The following NPM3 variants were observed in gnomAD, a reference collection of about 807,000 sequenced individuals.
The protein encoded by NPM3 is nucleophosmin/nucleoplasmin 3, also known as nucleoplasmin-3.
NPM3 carries 12 observed loss-of-function variants against 18.1 expected under a neutral mutation model. The observed-to-expected ratio is 0.66, with a 90% CI of 0.42 to 1.07. The LOEUF is 1.07. NPM3 is among the 50% of genes least tolerant of loss of function. The probability of loss-of-function intolerance (pLI) is 0.00; values close to 1 mark genes in which losing one functional copy is unlikely to be tolerated. For missense variants in NPM3, 274 were observed against 232.1 expected (o/e 1.18, Z -1.17); for synonymous variants, 116 against 93.7 (o/e 1.24, Z -1.38).
In NPM3 at chr10:101,782,940, G is replaced by A; in HGVS notation, c.119-16C>T. On this transcript the variant is annotated splice_polypyrimidine_tract_variant and intron_variant, in intron 1 of 5. Transcript: ENST00000370110. ...AGCTCACAGCCTGGTAGAAATAACA[G>A]TGAGTATGCCTGAGCGTGTGTACGG... The A allele has an allele frequency of 6.2e-7, 1 of 1,612,506 alleles. No individual in the cohort carries two copies. Among genetic ancestry groups the A allele is most frequent in the East Asian group, 2.2e-5 (1 of 44,878 alleles).
rs963517892 is a variant in NPM3, at chr10:101,783,029, T to C, written c.119-105A>G. The C allele has an allele frequency of 7.9e-6, 8 of 1,012,124 alleles. No individual in the cohort carries two copies. In the African/African-American group the frequency reaches 1.3e-4, roughly 16 times the overall value. The allele number at this position is 1,012,124 out of a possible 1,614,324, so 62.7% of individuals were successfully genotyped here. ...TGTAACCTTGGGCGGACGGGTCATTTACACGTCCACCTCCGTCTCTTCTCT... is the reference window on the plus strand; with the variant it reads ...TGTAACCTTGGGCGGACGGGTCATTCACACGTCCACCTCCGTCTCTTCTCT... On this transcript the variant is annotated intron_variant, in intron 1 of 5. Coordinates refer to ENST00000370110, the Ensembl canonical transcript of NPM3.
chr10:101,782,586 G>A (rs769914016), exon 3 of NPM3: 2 of 1,613,876 alleles, frequency 1.2e-6, no homozygotes, highest in South Asian at 1.1e-5. Context: ...TGGCTCCCTC[G>A]GTGAGGCAGA....
At chr10:101,783,029 T>A in intron 1 of NPM3, 105 bp from the exon 2 acceptor site, 1 of 1,012,242 alleles carries the variant, frequency 9.9e-7, no homozygotes, top group Non-Finnish European at 1.5e-6. Context: ...ACGGGTCATT[T>A]ACACGTCCAC....
chr10:101,781,498 C>G, exon 6 of NPM3: 1 of 563,878 alleles, frequency 1.8e-6, no homozygotes, highest in Non-Finnish European at 3.1e-6. Flanking sequence ...CACAGGCCCT[C>G]TCCTAGCACC....
exon 4 of NPM3, chr10:101,782,344 A>C (rs1276292827): frequency 6.2e-7 from 1 of 1,613,854 alleles, no homozygotes; most frequent in Non-Finnish European, 8.5e-7. Flanking sequence ...GAAGTCATCC[A>C]GACTGAGCTG....
chr10:101,782,783 G>C, intron 2 of NPM3, 56 bp downstream of exon 2: 1 of 1,594,146 alleles, frequency 6.3e-7, no homozygotes, highest in Admixed American at 1.7e-5. Context: ...GTTGGGTAGA[G>C]ACCTATATTG....
chr10:101,783,245 C>A, intron 1 of NPM3, 28 bp downstream of exon 1: 1 of 1,507,502 alleles, frequency 6.6e-7, no homozygotes, highest in South Asian at 1.2e-5. Flanking sequence ...GCCCCAGTAC[C>A]ACCCTCAGCC....
At chr10:101,783,362 G>A (rs771563319) in exon 1 of NPM3, 1 of 1,611,978 alleles carries the variant, frequency 6.2e-7, no homozygotes. Context: ...ACTCAAAAAC[G>A]CTAAGGCAGC....
At position 101,782,981 on chromosome 10, in the gene NPM3, G is replaced by T. The variant is rs1437886253; in HGVS notation, c.119-57C>A. ...GTGTGTACGGGGCTGGGCAGCGGGGGATGTCACCAACCCGCCGTCACGTGT... is the reference window on the plus strand; with the variant it reads ...GTGTGTACGGGGCTGGGCAGCGGGGTATGTCACCAACCCGCCGTCACGTGT... On this transcript the variant is annotated intron_variant, in intron 1 of 5. Transcript: ENST00000370110. 13 of 1,523,718 alleles carry T rather than the reference G, an allele frequency of 8.5e-6. No homozygotes were observed. The African/African-American group carries it at 1.4e-4, about 16-fold the overall frequency. The allele number at this position is 1,523,718 out of a possible 1,614,324, so 94.4% of individuals were successfully genotyped here. A position where few individuals can be genotyped will look rare whatever the true frequency, so the allele number is the denominator to read the frequency against.
chr10:101,782,359 G>A lies in NPM3; in HGVS notation c.325-8C>T. Reference sequence around the variant, plus strand: ...GAAGTCATCCAGACTGAGCTGGGAGGAAGACAAGGATGAAGGCCTGGCCCA... The same window carrying A: ...GAAGTCATCCAGACTGAGCTGGGAGAAAGACAAGGATGAAGGCCTGGCCCA... On this transcript the variant is annotated splice_polypyrimidine_tract_variant and splice_region_variant and intron_variant, in intron 3 of 5. Coordinates refer to ENST00000370110, the Ensembl canonical transcript of NPM3. 2 of 1,613,356 alleles carry A rather than the reference G, an allele frequency of 1.2e-6. No individual in the cohort carries two copies. Among genetic ancestry groups the A allele is most frequent in the South Asian group, 1.1e-5 (1 of 90,894 alleles).
At chr10:101,781,427 A>C (rs1452003202) in exon 6 of NPM3, 1 of 407,418 alleles carries the variant, frequency 2.5e-6, no homozygotes, top group Non-Finnish European at 4.4e-6. Context: ...CAATTCTCAC[A>C]GGCAGGTGGG....
upstream of NPM3, chr10:101,783,423 A>C: frequency 6.7e-7 from 1 of 1,490,296 alleles, no homozygotes. Flanking sequence ...TCCGCCCCCG[A>C]CACGCACAAA....
At chr10:101,783,247 C>A (rs1248895380) in intron 1 of NPM3, 26 bp downstream of exon 1, 2 of 1,525,950 alleles carry the variant, frequency 1.3e-6, no homozygotes, top group Non-Finnish European at 1.8e-6. Context: ...CCCAGTACCA[C>A]CCTCAGCCTC....
At chr10:101,783,410 A>G in exon 1 of NPM3, 2 of 1,543,484 alleles carry the variant, frequency 1.3e-6, no homozygotes, top group Non-Finnish European at 1.8e-6. Flanking sequence ...GCCTTCTTCA[A>G]ACTCCGCCCC....
chr10:101,782,812 T>A, intron 2 of NPM3, 27 bp downstream of exon 2: 14 of 1,610,258 alleles, frequency 8.7e-6, no homozygotes, highest in Non-Finnish European at 1.2e-5. Context: ...GGCTTATTCA[T>A]TAAAACCCCA....
At position 101,782,240 on chromosome 10, in the gene NPM3, G is replaced by A. The variant is rs537805213; in HGVS notation, c.418+18C>T. ...GAGTCCACTGGAAGCAAAGGAGAGG[G>A]CCCTCCCCTCTTCTCACCAATCTGG... is the stretch of plus-strand genomic sequence containing the variant. On this transcript the variant is annotated intron_variant, in intron 4 of 5. Transcript: ENST00000370110. 2.5e-6 allele frequency: 4 copies of A among 1,603,976 alleles called. No individual in the cohort carries two copies. The highest frequency in any genetic ancestry group is 1.7e-4 in the Middle Eastern group (1 of 5,828).
exon 6 of NPM3, chr10:101,781,616 T>C (rs2065141404): frequency 5.3e-6 from 5 of 944,570 alleles, no homozygotes; most frequent in Admixed American, 2.6e-5. Context: ...TGGCGGTGCA[T>C]GGCACATGGA....
chr10:101,783,201 TCC>T, intron 1 of NPM3, 70 bp downstream of exon 1: 3 of 1,188,234 alleles, frequency 2.5e-6, no homozygotes, highest in Non-Finnish European at 3.6e-6. Flanking sequence ...CTTGAAACCC[TCC>T]GCATTCCCGC....
At chr10:101,783,171 C>T in intron 1 of NPM3, 102 bp downstream of exon 1, 1 of 968,968 alleles carries the variant, frequency 1.0e-6, no homozygotes, top group South Asian at 1.6e-5. Context: ...AGCGAAGCAG[C>T]CCTCCGCCCA....
Sources: allele counts gnomAD v4.1 joint callset, GRCh38; gene constraint gnomAD v4.1.1; transcripts MANE v1.5; gene names NCBI Gene and HGNC (gene_info 2026-07-23, HGNC 2026-07-21).